TTLL11: variants seen among roughly 807,000 people sequenced by gnomAD.
TTLL11 encodes tubulin tyrosine ligase like 11, also known as tubulin polyglutamylase TTLL11.
In TTLL11, 42 loss-of-function variants were observed where a neutral mutation model predicts 51.7. That is an observed-to-expected ratio of 0.81 (90% confidence interval 0.64 to 1.05). The LOEUF (loss-of-function observed/expected upper bound fraction) is 1.05. Ranked by LOEUF, TTLL11 falls within the 50% of genes least tolerant of loss-of-function variation. TTLL11 has a pLI of 0.00. For missense variants in TTLL11, 799 were observed against 940.4 expected (o/e 0.85, Z 1.97); for synonymous variants, 381 against 383.5 (o/e 0.99, Z 0.08).
intron 1 of TTLL11, among the ~76,000 whole-genome samples, chr9:122,083,586 C>T (rs1846050178): frequency 2.0e-5 from 3 of 152,142 alleles, no homozygotes; most frequent in African/African-American, 7.2e-5. Context: ...ACAAGGAATG[C>T]AGATCACAAG....
chr9:122,027,178 C>T (rs1380869707), intron 3 of TTLL11, among the ~76,000 whole-genome samples: 2 of 152,136 alleles, frequency 1.3e-5, no homozygotes, highest in Non-Finnish European at 1.5e-5. Flanking sequence ...AGGTGCTACA[C>T]ACTTTTAAAC....
At chr9:121,925,389 C>T (rs931718731) in intron 6 of TTLL11, among the ~76,000 whole-genome samples, 5 of 152,196 alleles carry the variant, frequency 3.3e-5, no homozygotes, top group Non-Finnish European at 7.3e-5. Context: ...CTCCCGCTGC[C>T]GGGCCTCCAT....
In TTLL11 at chr9:121,818,133, A is replaced by T. The variant is rs118052720; in HGVS notation, c.*4454T>A. ...GAAAGGAGGCTGGCTAGCCGGCTGG[A>T]GGGGTGTTGGTGAGGACTGCCCAGC... On this transcript the variant is annotated 3_prime_UTR_variant, in exon 9 of 9. Coordinates refer to ENST00000321582, the MANE Select transcript of TTLL11 (RefSeq NM_001139442.2). The T allele has an allele frequency of 4.6e-3, 703 of 152,376 alleles. 15 individuals are homozygous for T. The highest frequency in any genetic ancestry group is 0.034 in the East Asian group (177 of 5,176). The allele number at this position is 152,376 out of a possible 1,614,324, so 9.4% of individuals were successfully genotyped here.
intron 1 of TTLL11, among the ~76,000 whole-genome samples, chr9:122,069,020 A>G (rs777518260): frequency 6.6e-6 from 1 of 152,238 alleles, no homozygotes; most frequent in Admixed American, 6.5e-5. Context: ...AAAGTGGCGC[A>G]TATCACAAGA....
At chr9:121,984,757 A>G (rs1842905285) in intron 4 of TTLL11, among the ~76,000 whole-genome samples, 1 of 152,222 alleles carries the variant, frequency 6.6e-6, no homozygotes, top group Non-Finnish European at 1.5e-5. Context: ...AGATACAGGG[A>G]GCTAGAAGAA....
At chr9:122,090,060 G>A (rs1478251661) in intron 1 of TTLL11, among the ~76,000 whole-genome samples, 1 of 152,156 alleles carries the variant, frequency 6.6e-6, no homozygotes, top group Non-Finnish European at 1.5e-5. Flanking sequence ...GCAGTTACAG[G>A]TAGTGCCTTG....
chr9:122,027,263 C>T (rs1437757222), intron 3 of TTLL11, among the ~76,000 whole-genome samples: 1 of 152,190 alleles, frequency 6.6e-6, no homozygotes, highest in East Asian at 1.9e-4. Context: ...CAATCACCTC[C>T]CACCAGGCCT....
intron 1 of TTLL11, among the ~76,000 whole-genome samples, chr9:122,053,270 C>G (rs1845208736): frequency 6.6e-6 from 1 of 152,138 alleles, no homozygotes; most frequent in Admixed American, 6.5e-5. Flanking sequence ...GCAGTGGTTT[C>G]TGGTCTAGAT....
intron 1 of TTLL11, among the ~76,000 whole-genome samples, chr9:122,076,068 C>T (rs1487281291): frequency 6.6e-6 from 1 of 152,200 alleles, no homozygotes; most frequent in Non-Finnish European, 1.5e-5. Context: ...TGATGATACT[C>T]ACCCTGAGGC....
rs200141227 is a variant in TTLL11 at position 122,039,352 on chromosome 9, C to T, written c.479G>A (p.Arg160His). The change falls in exon 2 of 9, where the codon CGC (arginine) becomes CAC (histidine). Residue 160 changes from arginine to histidine, a missense_variant. This residue lies in a region of TTLL11 where 468 missense variants were observed against 612.8 expected (regional missense o/e 0.76). Coordinates refer to ENST00000321582, the MANE Select transcript of TTLL11 (RefSeq NM_001139442.2). The part of the protein sequence containing the change: ...LKWKEFPFGR[R>H]LPCDIYWHGV... Reference sequence around the variant, plus strand: ...ATGCCAGTAGATGTCACAAGGCAAGCGCCGGCCAAATGGGAACTAGAAGAG... The same window carrying T: ...ATGCCAGTAGATGTCACAAGGCAAGTGCCGGCCAAATGGGAACTAGAAGAG... 341 of 1,613,738 alleles carry T rather than the reference C, an allele frequency of 2.1e-4. No individual in the cohort carries two copies. The highest frequency in any genetic ancestry group is 2.8e-4 in the Non-Finnish European group (330 of 1,179,852).
At chr9:121,911,035 C>A (rs913936130) in intron 6 of TTLL11, among the ~76,000 whole-genome samples, 16 of 152,196 alleles carry the variant, frequency 1.1e-4, no homozygotes, top group African/African-American at 3.9e-4. Context: ...TAATGATGGT[C>A]ACATACTATA....
At chr9:121,981,044 G>C (rs1295084641) in intron 4 of TTLL11, among the ~76,000 whole-genome samples, 1 of 151,684 alleles carries the variant, frequency 6.6e-6, no homozygotes, top group Non-Finnish European at 1.5e-5. Context: ...GCATGTGTGT[G>C]TATTTTACTT....
rs184255149 is a variant in TTLL11, at chr9:121,841,604, C to T, written c.1841-18725G>A. ...TCTCTAGAGGCTGCTTGGGGCCTCC[C>T]GGGCTGAGGACACATCTTTGCCCTG... On this transcript the variant is annotated intron_variant, in intron 8 of 8. Transcript: ENST00000321582. Among the ~76,000 whole-genome samples, 587 of 152,222 alleles carry T rather than the reference C, an allele frequency of 3.9e-3. 5 individuals carry two copies. Among genetic ancestry groups the T allele is most frequent in the African/African-American group, 0.01 (424 of 41,542 alleles).
intron 6 of TTLL11, among the ~76,000 whole-genome samples, chr9:121,896,211 T>C (rs992412941): frequency 6.6e-6 from 1 of 152,004 alleles, no homozygotes; most frequent in Admixed American, 6.6e-5. Flanking sequence ...AGACACGGAA[T>C]GCTGGGAATG....
intron 3 of TTLL11, among the ~76,000 whole-genome samples, chr9:122,030,257 T>C (rs1423610012): frequency 1.3e-5 from 2 of 150,664 alleles, no homozygotes; most frequent in African/African-American, 4.9e-5. Flanking sequence ...TAAAATTAAC[T>C]TTATTGAAGC....
At chr9:121,950,985 G>C (rs1406336610) in intron 6 of TTLL11, among the ~76,000 whole-genome samples, 3 of 152,190 alleles carry the variant, frequency 2.0e-5, no homozygotes, top group Admixed American at 6.5e-5. Flanking sequence ...AGGCTGCAGA[G>C]TGAAGCCACA....
At chr9:122,069,597 G>A (rs544677279) in intron 1 of TTLL11, among the ~76,000 whole-genome samples, 6 of 152,222 alleles carry the variant, frequency 3.9e-5, no homozygotes, top group South Asian at 2.1e-4. Flanking sequence ...CGGGAGAATC[G>A]CTTGAACCCA....
At chr9:121,840,215 G>A (rs9886708) in intron 8 of TTLL11, among the ~76,000 whole-genome samples, 7,526 of 152,156 alleles carry the variant, frequency 0.049, 579 homozygotes, top group African/African-American at 0.17. Context: ...GCCAGTTAGG[G>A]CAACCGCAAG....
intron 1 of TTLL11, among the ~76,000 whole-genome samples, chr9:122,070,132 G>A (rs1845692472): frequency 6.6e-6 from 1 of 152,046 alleles, no homozygotes; most frequent in African/African-American, 2.4e-5. Context: ...ATAGAGGGAG[G>A]GACACACCAA....
Sources: gnomAD v4.1 joint callset for allele counts (sites outside exome capture counted in the v4.1 genomes callset) on GRCh38, gnomAD v4.1.1 for gene constraint, gnomAD v4.1.1 regional missense constraint, MANE v1.5 for transcripts, NCBI Gene and HGNC (gene_info 2026-07-23, HGNC 2026-07-21) for gene names.